RAD51B: variants seen among roughly 807,000 people sequenced by gnomAD.
The protein encoded by RAD51B is DNA repair protein RAD51 homolog 2.
Under a neutral mutation model 42.2 loss-of-function variants are expected in RAD51B, and 38 were observed. The ratio of observed to expected loss-of-function variants is 0.90; its 90% CI spans 0.70 to 1.18. The LOEUF (loss-of-function observed/expected upper bound fraction) is 1.18, where lower values mean the gene tolerates loss of function less well. RAD51B is among the 50% of genes most tolerant of loss of function. RAD51B has a pLI of 0.00. For missense variants in RAD51B, 373 were observed against 400.7 expected (o/e 0.93, Z 0.59); for synonymous variants, 154 against 145.2 (o/e 1.06, Z -0.43).
intron 8 of RAD51B, among the ~76,000 whole-genome samples, chr14:68,315,118 G>A (rs1286787307): frequency 6.6e-6 from 1 of 152,194 alleles, no homozygotes; most frequent in Non-Finnish European, 1.5e-5. Context: ...CTGAGCTCCC[G>A]AAGCACTGAT....
chr14:68,036,254 G>A (rs906035180), intron 7 of RAD51B, among the ~76,000 whole-genome samples: 3 of 152,200 alleles, frequency 2.0e-5, no homozygotes, highest in Admixed American at 6.5e-5. Flanking sequence ...AAATCTCTTC[G>A]CTAACGTTAC....
At chr14:67,917,133 A>G (rs557463414) in intron 7 of RAD51B, among the ~76,000 whole-genome samples, 6 of 152,354 alleles carry the variant, frequency 3.9e-5, no homozygotes, top group African/African-American at 1.4e-4. Context: ...AATAAAATAA[A>G]GGAGAATCAT....
chr14:68,433,005 T>C (rs1185105605), intron 9 of RAD51B, among the ~76,000 whole-genome samples: 1 of 152,220 alleles, frequency 6.6e-6, no homozygotes, highest in Non-Finnish European at 1.5e-5. Flanking sequence ...CCTTCACTTA[T>C]GAAGCTTAGT....
chr14:67,820,544 C>T (rs1001851443), intron 1 of RAD51B, among the ~76,000 whole-genome samples: 9 of 151,956 alleles, frequency 5.9e-5, no homozygotes, highest in Non-Finnish European at 2.9e-5. Context: ...ACACATACAC[C>T]GCAGGAATTT....
intron 5 of RAD51B, among the ~76,000 whole-genome samples, chr14:67,871,927 G>A (rs2042548129): frequency 6.6e-6 from 1 of 151,176 alleles, no homozygotes; most frequent in Non-Finnish European, 1.5e-5. Context: ...AGGTATTGAT[G>A]GGACGTATTT....
chr14:68,617,973 C>T (rs978049083), intron 10 of RAD51B, among the ~76,000 whole-genome samples: 1 of 151,768 alleles, frequency 6.6e-6, no homozygotes, highest in African/African-American at 2.4e-5. Flanking sequence ...ATCTTAAGAA[C>T]AGGTTTTGAT....
chr14:67,889,869 A>G (rs2043167630), intron 7 of RAD51B, among the ~76,000 whole-genome samples: 1 of 152,198 alleles, frequency 6.6e-6, no homozygotes. Context: ...AGAGAATTTT[A>G]TAGACCTTTG....
intron 7 of RAD51B, among the ~76,000 whole-genome samples, chr14:67,925,129 C>T (rs1257821420): frequency 2.0e-5 from 3 of 152,216 alleles, no homozygotes; most frequent in African/African-American, 7.2e-5. Context: ...CATGCTGATG[C>T]AAGAAGTGGG....
chr14:68,213,341 T>C (rs1288208344), intron 7 of RAD51B, among the ~76,000 whole-genome samples: 1 of 152,168 alleles, frequency 6.6e-6, no homozygotes, highest in Non-Finnish European at 1.5e-5. Flanking sequence ...GGCACAGATA[T>C]GCTAAGTCAT....
At chr14:68,351,275 G>A (rs2082781803) in intron 8 of RAD51B, among the ~76,000 whole-genome samples, 2 of 152,200 alleles carry the variant, frequency 1.3e-5, no homozygotes, top group African/African-American at 4.8e-5. Flanking sequence ...TAAGGGAACA[G>A]CATGAACTAA....
At chr14:68,462,570 T>A (rs963525733) in intron 9 of RAD51B, among the ~76,000 whole-genome samples, 3 of 152,218 alleles carry the variant, frequency 2.0e-5, no homozygotes, top group Non-Finnish European at 4.4e-5. Flanking sequence ...TTGGATCAAT[T>A]AATCAAAACA....
chr14:68,043,939 A>G (rs1201255981), intron 7 of RAD51B, among the ~76,000 whole-genome samples: 1 of 152,244 alleles, frequency 6.6e-6, no homozygotes, highest in African/African-American at 2.4e-5. Flanking sequence ...AACTGTGCTG[A>G]AACTTTACAA....
intron 10 of RAD51B, among the ~76,000 whole-genome samples, chr14:68,589,359 C>T (rs1054228447): frequency 1.6e-4 from 25 of 152,170 alleles, no homozygotes; most frequent in South Asian, 2.1e-4. Context: ...TCCCTTCCCC[C>T]GCCTTCACTT....
intron 10 of RAD51B, among the ~76,000 whole-genome samples, chr14:68,473,337 G>C (rs1274372588): frequency 1.3e-5 from 2 of 152,202 alleles, no homozygotes; most frequent in Non-Finnish European, 2.9e-5. Flanking sequence ...AGCCTGCCAG[G>C]TGCCACTGCA....
intron 7 of RAD51B, among the ~76,000 whole-genome samples, chr14:68,004,991 A>G (rs2075556869): frequency 6.6e-6 from 1 of 150,828 alleles, no homozygotes; most frequent in East Asian, 1.9e-4. Flanking sequence ...TTCATACAAT[A>G]GAACATATTA....
At chr14:68,328,599 C>T (rs2082290061) in intron 8 of RAD51B, among the ~76,000 whole-genome samples, 2 of 152,064 alleles carry the variant, frequency 1.3e-5, no homozygotes, top group Admixed American at 1.3e-4. Flanking sequence ...TTCAATTTTT[C>T]TTCTCCATCT....
intron 7 of RAD51B, among the ~76,000 whole-genome samples, chr14:67,919,693 G>A (rs867914823): frequency 5.3e-5 from 8 of 152,160 alleles, no homozygotes; most frequent in African/African-American, 1.9e-4. Context: ...CACCGTACAC[G>A]TTAATAAACC....
chr14:68,044,139 C>G (rs2076261397), intron 7 of RAD51B, among the ~76,000 whole-genome samples: 1 of 152,214 alleles, frequency 6.6e-6, no homozygotes, highest in Non-Finnish European at 1.5e-5. Context: ...AATGACTGCT[C>G]TCACTGTCTT....
intron 7 of RAD51B, among the ~76,000 whole-genome samples, chr14:68,111,001 G>T (rs2077451208): frequency 6.6e-6 from 1 of 151,942 alleles, no homozygotes. Flanking sequence ...GATTATCAAG[G>T]TCTGGACCAA....
Sources: gnomAD v4.1 joint callset for allele counts (sites outside exome capture counted in the v4.1 genomes callset) on GRCh38, gnomAD v4.1.1 for gene constraint, MANE v1.5 for transcripts, NCBI Gene and HGNC (gene_info 2026-07-23, HGNC 2026-07-21) for gene names.